HNF4G: variants seen among roughly 807,000 people sequenced by gnomAD.
The protein encoded by HNF4G is hepatocyte nuclear factor 4 gamma.
Under a neutral mutation model 50.9 loss-of-function variants are expected in HNF4G, and 21 were observed. The ratio of observed to expected loss-of-function variants is 0.41; its 90% confidence interval spans 0.29 to 0.59. The LOEUF is 0.59. Among genes scored for constraint, HNF4G ranks in the 20% least tolerant of loss-of-function variants. The probability of loss-of-function intolerance (pLI) is 0.26; values close to 1 mark genes in which losing one functional copy is unlikely to be tolerated. For synonymous variants in HNF4G, 198 were observed against 185.6 expected, an observed-to-expected ratio of 1.07 and a Z score of -0.54; for missense variants, 527 against 559.4, an observed-to-expected ratio of 0.94 and a Z score of 0.58.
chr8:75,545,239 A>ATGTGTGTGTGTGTG (rs57486410), intron 2 of HNF4G, among the ~76,000 whole-genome samples: 3,121 of 145,558 alleles, frequency 0.021, 41 homozygotes, highest in Non-Finnish European at 0.025. Context: ...TTAAAATTGA[A>ATGTGTGTGTGTGTG]TGTGTGTGTG....
At chr8:75,506,900 G>C (rs1813091437) in intron 2 of HNF4G, among the ~76,000 whole-genome samples, 1 of 151,992 alleles carries the variant, frequency 6.6e-6, no homozygotes, top group African/African-American at 2.4e-5. Context: ...TTTATGCAGT[G>C]GCTGAAAGAC....
At chr8:75,425,989 T>C (rs929856974) in intron 1 of HNF4G, among the ~76,000 whole-genome samples, 1 of 152,214 alleles carries the variant, frequency 6.6e-6, no homozygotes, top group South Asian at 2.1e-4. Context: ...ATTTAAAATA[T>C]AAATGGAAAT....
chr8:75,539,050 A>G (rs1200779233), upstream of HNF4G, among the ~76,000 whole-genome samples: 1 of 152,188 alleles, frequency 6.6e-6, no homozygotes, highest in Non-Finnish European at 1.5e-5. Context: ...ACTATTGTCT[A>G]AATATTCCCC....
At chr8:75,453,499 C>T (rs561236268) in intron 1 of HNF4G, among the ~76,000 whole-genome samples, 1 of 139,470 alleles carries the variant, frequency 7.2e-6, no homozygotes, top group Non-Finnish European at 1.6e-5. Flanking sequence ...GCTGGCCACC[C>T]CCCTGCCCCC....
At chr8:75,519,516 T>C (rs1805981867) in intron 2 of HNF4G, among the ~76,000 whole-genome samples, 1 of 152,124 alleles carries the variant, frequency 6.6e-6, no homozygotes, top group Admixed American at 6.6e-5. Flanking sequence ...GAAAAGAGGT[T>C]TAATGGGCTC....
chr8:75,496,367 TA>T (rs775138198), intron 2 of HNF4G, among the ~76,000 whole-genome samples: 3 of 152,084 alleles, frequency 2.0e-5, no homozygotes, highest in Non-Finnish European at 4.4e-5. Flanking sequence ...TAATATAATA[TA>T]TTTTTTTTCA....
intron 1 of HNF4G, among the ~76,000 whole-genome samples, chr8:75,409,480 CTTTTTTTT>C (rs5892492): frequency 3.0e-5 from 2 of 67,346 alleles, no homozygotes; most frequent in Admixed American, 2.2e-4. Flanking sequence ...GTGCCTTGTT[CTTTTTTTT>C]TTTTTTTTTT....
intron 2 of HNF4G, among the ~76,000 whole-genome samples, chr8:75,533,935 C>T (rs1469744306): frequency 6.6e-6 from 1 of 151,782 alleles, no homozygotes; most frequent in Non-Finnish European, 1.5e-5. Flanking sequence ...TATCTGGTTT[C>T]CAGATGCTAA....
At chr8:75,549,598 TG>T (rs1357081180) in intron 3 of HNF4G, among the ~76,000 whole-genome samples, 2 of 151,474 alleles carry the variant, frequency 1.3e-5, no homozygotes, top group East Asian at 1.9e-4. Flanking sequence ...TCTGGGTAGT[TG>T]TTTTTTTTTA....
chr8:75,495,349 A>G lies in HNF4G; in HGVS notation c.-24+5141A>G, dbSNP rs1480466669. ...ATTTTCTATAGATGTTAAGGATGGGAAGTTATTATTATATTAAAGAAGACT... is the reference window on the plus strand; with the variant it reads ...ATTTTCTATAGATGTTAAGGATGGGGAGTTATTATTATATTAAAGAAGACT... On this transcript the variant is annotated intron_variant, in intron 2 of 10. Coordinates refer to the HNF4G transcript ENST00000354370. The G allele has an allele frequency of 3.3e-5, 5 of 151,974 alleles. No individual in the cohort carries two copies. The East Asian group carries it at 9.6e-4, about 29-fold the overall frequency. The allele number at this position is 151,974 out of a possible 1,614,324, so 9.4% of individuals were successfully genotyped here.
Position 75,565,489 on chromosome 8 carries a change from G to A in HNF4G, c.*1393G>A, listed in dbSNP as rs1334339521. The A allele has an allele frequency of 2.0e-5, 3 of 152,054 alleles. No individual in the cohort carries two copies. Among genetic ancestry groups the A allele is most frequent in the Admixed American group, 6.6e-5 (1 of 15,246 alleles). The allele number at this position is 152,054 out of a possible 1,614,324, so 9.4% of individuals were successfully genotyped here. The stretch of plus-strand genomic sequence containing the variant: ...GCAGCCCAGGGATGTACCAAATGTC[G>A]AATTCTAGACTGAGGAGTAGAGTTC... On this transcript the variant is annotated 3_prime_UTR_variant, in exon 10 of 10. Coordinates refer to ENST00000396423, the MANE Select transcript of HNF4G (RefSeq NM_004133.5).
chr8:75,443,292 C>T (rs1212575130), intron 1 of HNF4G, among the ~76,000 whole-genome samples: 1 of 152,024 alleles, frequency 6.6e-6, no homozygotes, highest in African/African-American at 2.4e-5. Flanking sequence ...TTTGTTATAC[C>T]AGCCTGAAGG....
rs1810584307 is a variant in HNF4G, at chr8:75,414,520, T to C, written c.-144+6358T>C. 5.9e-5 allele frequency among the ~76,000 whole-genome samples: 9 copies of C among 152,290 alleles called. No homozygotes were observed. In the South Asian group the frequency reaches 1.9e-3, roughly 32 times the overall value. On this transcript the variant is annotated intron_variant, in intron 1 of 10. Transcript: ENST00000354370. ...CCTCCAAAGGTTTTCTAAAGCTCTT[T>C]TATACACTCTTTCTCCTGTTCCTTG...
chr8:75,490,812 G>A (rs971772130), intron 2 of HNF4G, among the ~76,000 whole-genome samples: 5 of 152,120 alleles, frequency 3.3e-5, no homozygotes, highest in Admixed American at 6.6e-5. Flanking sequence ...AGCAGATTGC[G>A]ATTGTTCACT....
intron 1 of HNF4G, among the ~76,000 whole-genome samples, chr8:75,440,272 C>T (rs1485017306): frequency 6.6e-6 from 1 of 152,042 alleles, no homozygotes; most frequent in Non-Finnish European, 1.5e-5. Context: ...TGAGTGGGTC[C>T]ATTATTTTTC....
intron 1 of HNF4G, among the ~76,000 whole-genome samples, chr8:75,486,856 G>T (rs1812509113): frequency 6.6e-6 from 1 of 152,136 alleles, no homozygotes; most frequent in South Asian, 2.1e-4. Flanking sequence ...TAAAAAATTA[G>T]CTGGGTGTGG....
chr8:75,415,752 T>G (rs1810618353), intron 1 of HNF4G, among the ~76,000 whole-genome samples: 1 of 150,956 alleles, frequency 6.6e-6, no homozygotes, highest in Non-Finnish European at 1.5e-5. Flanking sequence ...CAATGCCTTT[T>G]CAACCAGTGT....
intron 1 of HNF4G, among the ~76,000 whole-genome samples, chr8:75,447,572 A>C (rs1040361534): frequency 6.0e-5 from 9 of 150,264 alleles, no homozygotes; most frequent in Non-Finnish European, 1.0e-4. Context: ...CAATGAACTC[A>C]AACAAATTTA....
Position 75,564,244 on chromosome 8 carries a change from T to C in HNF4G, c.*148T>C. The C allele has an allele frequency of 1.4e-6, 1 of 726,414 alleles. No homozygotes were observed. The highest frequency in any genetic ancestry group is 2.0e-5 in the South Asian group (1 of 50,936). 45.0% of individuals were successfully genotyped at this position (726,414 alleles called of 1,614,324 possible). A position where few individuals can be genotyped will look rare whatever the true frequency, so the allele number is the denominator to read the frequency against. ...GGTGTCCTATTTTCTTGTTTATACG[T>C]TCATTCTGTTTGTTATTGCTACTAT... On this transcript the variant is annotated 3_prime_UTR_variant, in exon 10 of 10. Transcript: ENST00000396423.
Sources: gnomAD v4.1 joint callset for allele counts (sites outside exome capture counted in the v4.1 genomes callset) on GRCh38, gnomAD v4.1.1 for gene constraint, MANE v1.5 for transcripts, NCBI Gene and HGNC (gene_info 2026-07-23, HGNC 2026-07-21) for gene names.